The following MAGI1 variants were observed in gnomAD, a reference collection of about 807,000 sequenced individuals.
The protein encoded by MAGI1 is membrane associated guanylate kinase, WW and PDZ domain containing 1.
A neutral mutation model predicts 139.9 loss-of-function variants in MAGI1; 58 were observed. The ratio of observed to expected loss-of-function variants is 0.41; its 90% CI spans 0.34 to 0.52. MAGI1 has a LOEUF of 0.52. MAGI1 is among the 20% of genes least tolerant of loss of function. The pLI is 0.12. For missense variants in MAGI1, 1,874 were observed against 1,901.6 expected (o/e 0.99, Z 0.27); for synonymous variants, 812 against 737.9 (o/e 1.10, Z -1.63).
chr3:65,809,370 T>C lies in MAGI1; in HGVS notation c.314-187282A>G, dbSNP rs923290777. On this transcript the variant is annotated intron_variant, in intron 1 of 22. Transcript: ENST00000402939. ...TGAAAAAGAAGGTGAGAAAACTTTA[T>C]GTAAAACTTTATCAAGATGACAGAA... Among the ~76,000 whole-genome samples the C allele has an allele frequency of 3.9e-5, 6 of 152,188 alleles. No individual in the cohort carries two copies. In the East Asian group the frequency reaches 5.8e-4, roughly 15 times the overall value.
chr3:65,526,926 GGAGT>G (rs1170487549), intron 2 of MAGI1, among the ~76,000 whole-genome samples: 1 of 152,136 alleles, frequency 6.6e-6, no homozygotes, highest in East Asian at 1.9e-4. Context: ...CCAGCAGGCA[GGAGT>G]GAGAAAGGAA....
At chr3:66,017,830 G>T (rs1023476426) in intron 1 of MAGI1, among the ~76,000 whole-genome samples, 1 of 152,104 alleles carries the variant, frequency 6.6e-6, no homozygotes, top group South Asian at 2.1e-4. Context: ...GTGAGAGCTG[G>T]AAGTCATCCC....
At chr3:65,537,947 G>A (rs528779059) in intron 2 of MAGI1, among the ~76,000 whole-genome samples, 19 of 152,078 alleles carry the variant, frequency 1.2e-4, no homozygotes, top group African/African-American at 4.3e-4. Context: ...GTGAAACCTC[G>A]TCTCTACTAA....
At chr3:65,573,514 A>G (rs2081048560) in intron 2 of MAGI1, among the ~76,000 whole-genome samples, 1 of 151,834 alleles carries the variant, frequency 6.6e-6, no homozygotes, top group Non-Finnish European at 1.5e-5. Flanking sequence ...AAAGTATTTC[A>G]GAAACTCCCA....
intron 1 of MAGI1, among the ~76,000 whole-genome samples, chr3:66,017,335 C>T (rs569338915): frequency 6.6e-6 from 1 of 152,346 alleles, no homozygotes; most frequent in Admixed American, 6.5e-5. Flanking sequence ...GAGCCAGGCT[C>T]GCAGTGAAAC....
intron 3 of MAGI1, among the ~76,000 whole-genome samples, chr3:65,488,610 G>GGA (rs1382263428): frequency 9.9e-5 from 15 of 151,934 alleles, no homozygotes; most frequent in Admixed American, 9.8e-4. Context: ...CAAAGTGCTG[G>GGA]GATTATAGGC....
rs118016669 is a variant in MAGI1, at chr3:65,693,292, A to G, written c.314-71204T>C. ...ATAAATTACCCAGTCTCAGGGATTC[A>G]GTTACAGCAACAGAAAACAGACTAA... On this transcript the variant is annotated intron_variant, in intron 1 of 22. Transcript: ENST00000402939. Among the ~76,000 whole-genome samples the G allele has an allele frequency of 1.2e-4, 19 of 152,280 alleles. No homozygotes were observed. The East Asian group carries it at 3.7e-3, about 29-fold the overall frequency.
chr3:65,667,170 T>A (rs1469432449), intron 1 of MAGI1, among the ~76,000 whole-genome samples: 1 of 152,216 alleles, frequency 6.6e-6, no homozygotes. Flanking sequence ...TTTGATGCCA[T>A]GAGGAAGGCT....
At chr3:65,518,215 A>G (rs1057346700) in intron 2 of MAGI1, among the ~76,000 whole-genome samples, 6 of 152,294 alleles carry the variant, frequency 3.9e-5, no homozygotes, top group Non-Finnish European at 7.3e-5. Context: ...GACCCTAACT[A>G]AAGTAGATCC....
chr3:65,996,268 C>G (rs2066443122), intron 1 of MAGI1, among the ~76,000 whole-genome samples: 1 of 152,140 alleles, frequency 6.6e-6, no homozygotes, highest in Non-Finnish European at 1.5e-5. Context: ...ATTTCAAGGT[C>G]TTCACCTGCA....
chr3:65,760,755 T>G (rs2036957876), intron 1 of MAGI1, among the ~76,000 whole-genome samples: 1 of 152,020 alleles, frequency 6.6e-6, no homozygotes, highest in Non-Finnish European at 1.5e-5. Context: ...CCTCTGTCCC[T>G]AGCTACCACA....
At chr3:65,654,200 C>T (rs2085739423) in intron 1 of MAGI1, among the ~76,000 whole-genome samples, 1 of 152,118 alleles carries the variant, frequency 6.6e-6, no homozygotes, top group Non-Finnish European at 1.5e-5. Context: ...AAAGATTTAT[C>T]ACCTGCCCTG....
chr3:65,554,315 G>A (rs1291689764), intron 2 of MAGI1, among the ~76,000 whole-genome samples: 1 of 152,128 alleles, frequency 6.6e-6, no homozygotes, highest in Non-Finnish European at 1.5e-5. Context: ...TATATCCCTA[G>A]ACTAGAGAAG....
chr3:66,038,477 G>A lies in MAGI1; in HGVS notation c.-169C>T, dbSNP rs2069061680. On this transcript the variant is annotated 5_prime_UTR_variant, in exon 1 of 23. Coordinates refer to ENST00000402939, the MANE Select transcript of MAGI1 (RefSeq NM_001033057.2). Reference sequence around the variant, plus strand: ...CCCCTGCACACGCTCGCGCACTCAAGCCATCATAAAACAAACTTTCTGGGC... The same window carrying A: ...CCCCTGCACACGCTCGCGCACTCAAACCATCATAAAACAAACTTTCTGGGC... 3.1e-6 allele frequency: 3 copies of A among 964,646 alleles called. No homozygotes were observed. The highest frequency in any genetic ancestry group is 2.9e-6 in the Non-Finnish European group (2 of 696,054). 59.8% of individuals were successfully genotyped at this position (964,646 alleles called of 1,614,324 possible).
At chr3:65,375,251 C>T (rs373253927) in intron 18 of MAGI1, among the ~76,000 whole-genome samples, 2 of 147,196 alleles carry the variant, frequency 1.4e-5, no homozygotes, top group African/African-American at 5.1e-5. Context: ...TGCAGTGGTG[C>T]GATCTCAGCT....
At chr3:65,478,307 T>G (rs1951025219) in intron 4 of MAGI1, among the ~76,000 whole-genome samples, 1 of 152,176 alleles carries the variant, frequency 6.6e-6, no homozygotes, top group South Asian at 2.1e-4. Flanking sequence ...ATATATCATT[T>G]TGAAGAGAAA....
At position 65,470,399 on chromosome 3, in the gene MAGI1, C is replaced by T. The variant is rs778274312; in HGVS notation, c.843G>A (p.Thr281=). 7 of 1,613,582 alleles carry T rather than the reference C, an allele frequency of 4.3e-6. No homozygotes were observed. The highest frequency in any genetic ancestry group is 4.5e-5 in the East Asian group (2 of 44,858). The change falls in exon 5 of 23, where the codon ACG becomes ACA. Residue 281 remains threonine (T), a synonymous_variant. Transcript: ENST00000402939. The part of the protein sequence containing the change: ...VNSSIIAAPI[T]DPSQKFPQYL... ...ATTGAGGGAACTTCTGAGAAGGGTC[C>T]GTGATGGGAGCAGCGATGATGCTAC...
intron 7 of MAGI1, among the ~76,000 whole-genome samples, chr3:65,447,364 C>T (rs1948740530): frequency 6.6e-6 from 1 of 152,122 alleles, no homozygotes; most frequent in Non-Finnish European, 1.5e-5. Context: ...TAAATTATTC[C>T]TAAACAACAA....
At chr3:65,547,767 T>C (rs2079573847) in intron 2 of MAGI1, among the ~76,000 whole-genome samples, 1 of 152,188 alleles carries the variant, frequency 6.6e-6, no homozygotes, top group African/African-American at 2.4e-5. Context: ...ATAGCAGTGT[T>C]TGCCCTATGT....
Sources: allele counts gnomAD v4.1 joint callset (sites outside exome capture counted in the v4.1 genomes callset), GRCh38; gene constraint gnomAD v4.1.1; transcripts MANE v1.5; gene names NCBI Gene and HGNC (gene_info 2026-07-23, HGNC 2026-07-21).